EYA1: variants seen among roughly 807,000 people sequenced by gnomAD.
EYA1 encodes EYA transcriptional coactivator and phosphatase 1.
In EYA1, 16 loss-of-function variants were observed where a neutral mutation model predicts 82.0. That is an observed-to-expected ratio of 0.20 (90% CI 0.13 to 0.30). The LOEUF is 0.30. EYA1 is among the 10% of genes least tolerant of loss of function. EYA1 has a pLI of 1.00. For missense variants in EYA1, 633 were observed against 730.7 expected (o/e 0.87, Z 1.54); for synonymous variants, 261 against 264.4 (o/e 0.99, Z 0.12).
upstream of EYA1, among the ~76,000 whole-genome samples, chr8:71,365,609 G>C (rs1827707267): frequency 6.6e-6 from 1 of 152,160 alleles, no homozygotes; most frequent in Non-Finnish European, 1.5e-5. Flanking sequence ...TATACTTCCA[G>C]TCTTCCTGGT....
At chr8:71,417,518 C>T (rs1292652309) in intron 2 of EYA1, among the ~76,000 whole-genome samples, 1 of 152,052 alleles carries the variant, frequency 6.6e-6, no homozygotes, top group African/African-American at 2.4e-5. Flanking sequence ...TTTATTTAGA[C>T]AATTGCTAGT....
intron 2 of EYA1, among the ~76,000 whole-genome samples, chr8:71,428,875 T>C (rs916577146): frequency 1.4e-5 from 2 of 141,072 alleles, no homozygotes; most frequent in East Asian, 3.9e-4. Context: ...TTTAATAACA[T>C]TTTATTATTA....
At chr8:71,539,863 G>T (rs1815008442) in intron 1 of EYA1, among the ~76,000 whole-genome samples, 1 of 152,168 alleles carries the variant, frequency 6.6e-6, no homozygotes, top group Non-Finnish European at 1.5e-5. Context: ...ATAAATGTTA[G>T]ATTTAGGTAC....
chr8:71,316,515 T>C (rs1286529484), intron 7 of EYA1, among the ~76,000 whole-genome samples: 1 of 152,174 alleles, frequency 6.6e-6, no homozygotes, highest in Non-Finnish European at 1.5e-5. Flanking sequence ...GCTGCAATAC[T>C]GTATTAAATA....
chr8:71,352,024 T>C (rs1383895059), intron 3 of EYA1, among the ~76,000 whole-genome samples: 1 of 152,184 alleles, frequency 6.6e-6, no homozygotes, highest in African/African-American at 2.4e-5. Flanking sequence ...TAAATATAAA[T>C]CATGGCATAT....
chr8:71,263,597 C>A (rs942103558), intron 11 of EYA1, among the ~76,000 whole-genome samples: 2 of 152,172 alleles, frequency 1.3e-5, no homozygotes, highest in African/African-American at 4.8e-5. Context: ...CACATTGTTG[C>A]TGTCATTGAA....
At chr8:71,253,258 T>C (rs1343000269) in intron 11 of EYA1, among the ~76,000 whole-genome samples, 2 of 152,174 alleles carry the variant, frequency 1.3e-5, no homozygotes, top group African/African-American at 2.4e-5. Flanking sequence ...GGAGTATCTG[T>C]ATCAAGTACC....
At chr8:71,397,325 G>C (rs1188105119) in intron 2 of EYA1, among the ~76,000 whole-genome samples, 1 of 152,176 alleles carries the variant, frequency 6.6e-6, no homozygotes, top group Non-Finnish European at 1.5e-5. Flanking sequence ...ACTTGATCCT[G>C]TCATTATGAT....
intron 16 of EYA1, among the ~76,000 whole-genome samples, chr8:71,213,937 A>T (rs1808852491): frequency 6.6e-6 from 1 of 152,218 alleles, no homozygotes; most frequent in African/African-American, 2.4e-5. Context: ...AGCTACTATG[A>T]TGAGCAAGAG....
intron 11 of EYA1, among the ~76,000 whole-genome samples, chr8:71,268,649 G>A (rs1047079471): frequency 4.6e-5 from 7 of 152,030 alleles, no homozygotes; most frequent in South Asian, 2.1e-4. Context: ...ATATTATCTC[G>A]GAACAGGAAT....
intron 2 of EYA1, among the ~76,000 whole-genome samples, chr8:71,493,321 C>A (rs1419968695): frequency 6.6e-6 from 1 of 152,180 alleles, no homozygotes; most frequent in Non-Finnish European, 1.5e-5. Context: ...TTATCTTGTT[C>A]TTTCTTCCAC....
At chr8:71,322,794 TGG>T (rs1563464405) in intron 4 of EYA1, among the ~76,000 whole-genome samples, 2 of 152,206 alleles carry the variant, frequency 1.3e-5, no homozygotes, top group African/African-American at 4.8e-5. Flanking sequence ...GATTTAGCAA[TGG>T]TTTTTAGTAA....
intron 2 of EYA1, chr8:71,529,453 T>C (rs1273837744): frequency 2.6e-5 from 4 of 152,186 alleles, no homozygotes; most frequent in African/African-American, 9.7e-5. Flanking sequence ...AGATTATAGG[T>C]GATGGCATAT....
At chr8:71,436,320 C>T (rs1267529326) in intron 2 of EYA1, among the ~76,000 whole-genome samples, 1 of 152,080 alleles carries the variant, frequency 6.6e-6, no homozygotes, top group African/African-American at 2.4e-5. Context: ...TCAAATAACC[C>T]ATTCCAAGGA....
chr8:71,214,669 T>C (rs1808953264), intron 16 of EYA1, among the ~76,000 whole-genome samples: 1 of 152,190 alleles, frequency 6.6e-6, no homozygotes, highest in African/African-American at 2.4e-5. Flanking sequence ...GTTTCCTCAT[T>C]TGTAAAATGG....
intron 2 of EYA1, among the ~76,000 whole-genome samples, chr8:71,481,482 G>A (rs889893198): frequency 1.2e-4 from 19 of 152,176 alleles, no homozygotes; most frequent in African/African-American, 4.6e-4. Context: ...TTTTCAAGAC[G>A]AATCCACTTA....
chr8:71,528,806 A>C (rs1342757152), intron 2 of EYA1, among the ~76,000 whole-genome samples: 1 of 152,226 alleles, frequency 6.6e-6, no homozygotes, highest in Non-Finnish European at 1.5e-5. Context: ...ACAATCATGC[A>C]AGAAAGGTAT....
chr8:71,481,616 G>A (rs1019749748), intron 2 of EYA1, among the ~76,000 whole-genome samples: 1 of 152,084 alleles, frequency 6.6e-6, no homozygotes, highest in African/African-American at 2.4e-5. Context: ...TACTTAACTG[G>A]GCCAATTTCC....
intron 2 of EYA1, among the ~76,000 whole-genome samples, chr8:71,494,599 A>G (rs946378438): frequency 6.6e-6 from 1 of 152,188 alleles, no homozygotes. Context: ...TGCAGTTACC[A>G]TATAACATTT....
Sources: gnomAD v4.1 joint callset for allele counts (sites outside exome capture counted in the v4.1 genomes callset) on GRCh38, gnomAD v4.1.1 for gene constraint, MANE v1.5 for transcripts, NCBI Gene and HGNC (gene_info 2026-07-23, HGNC 2026-07-21) for gene names.